The following IGSF21 variants were observed in gnomAD, a reference collection of about 807,000 sequenced individuals.
The protein encoded by IGSF21 is immunoglobin superfamily member 21, also known as immunoglobulin superfamily member 21.
A neutral mutation model predicts 46.8 loss-of-function variants in IGSF21; 28 were observed. The ratio of observed to expected loss-of-function variants is 0.60; its 90% confidence interval spans 0.44 to 0.82. The LOEUF (loss-of-function observed/expected upper bound fraction) is 0.82. Among genes scored for constraint, IGSF21 ranks in the 40% least tolerant of loss-of-function variants. The pLI is 0.00. For synonymous variants in IGSF21, 284 were observed against 273.6 expected, an observed-to-expected ratio of 1.04 and a Z score of -0.38; for missense variants, 624 against 665.5, an observed-to-expected ratio of 0.94 and a Z score of 0.69.
At chr1:18,302,178 C>G (rs1387904680) in intron 3 of IGSF21, among the ~76,000 whole-genome samples, 1 of 90 alleles carries the variant, frequency 0.011, no homozygotes, top group Non-Finnish European at 0.033. Flanking sequence ...GTGCTCCAGG[C>G]CCAAGCTCCA....
chr1:18,299,060 T>C (rs886713452), intron 3 of IGSF21, among the ~76,000 whole-genome samples: 15 of 152,256 alleles, frequency 9.9e-5, no homozygotes, highest in African/African-American at 3.6e-4. Flanking sequence ...GAATCAGAGA[T>C]GCAGAGACTG....
chr1:18,305,424 G>GATGGATGGATT (rs1265430506), intron 3 of IGSF21, among the ~76,000 whole-genome samples: 1 of 151,180 alleles, frequency 6.6e-6, no homozygotes, highest in Non-Finnish European at 1.5e-5. Context: ...TGGATGGATA[G>GATGGATGGATT]ATGGATGGAT....
At chr1:18,178,419 C>T (rs534936603) in intron 1 of IGSF21, among the ~76,000 whole-genome samples, 1 of 152,100 alleles carries the variant, frequency 6.6e-6, no homozygotes, top group African/African-American at 2.4e-5. Context: ...ACCATAATAA[C>T]CATGTGATAT....
At chr1:18,272,995 C>G (rs1480042106) in intron 2 of IGSF21, among the ~76,000 whole-genome samples, 2 of 150,644 alleles carry the variant, frequency 1.3e-5, no homozygotes, top group African/African-American at 4.9e-5. Context: ...CTCCTTGCCC[C>G]CACTGGGCCC....
At chr1:18,360,883 C>G (rs1328496363) in intron 4 of IGSF21, among the ~76,000 whole-genome samples, 1 of 152,186 alleles carries the variant, frequency 6.6e-6, no homozygotes, top group Non-Finnish European at 1.5e-5. Flanking sequence ...GTTTTGGTGA[C>G]TTGCCCAAGC....
chr1:18,297,553 G>A (rs988725053), intron 3 of IGSF21, among the ~76,000 whole-genome samples: 3 of 152,106 alleles, frequency 2.0e-5, no homozygotes, highest in Non-Finnish European at 4.4e-5. Flanking sequence ...TGTGTGATGA[G>A]TGTGGTGAAG....
At chr1:18,243,358 C>G (rs914061736) in intron 2 of IGSF21, among the ~76,000 whole-genome samples, 1 of 152,176 alleles carries the variant, frequency 6.6e-6, no homozygotes, top group African/African-American at 2.4e-5. Context: ...CCTATCACAT[C>G]TCATCCCTTG....
intron 1 of IGSF21, among the ~76,000 whole-genome samples, chr1:18,160,428 T>C (rs2086607865): frequency 6.6e-6 from 1 of 152,230 alleles, no homozygotes. Context: ...TTATTATAGT[T>C]AGATTTCCTA....
intron 1 of IGSF21, among the ~76,000 whole-genome samples, chr1:18,188,630 T>C (rs2086926616): frequency 6.6e-6 from 1 of 152,106 alleles, no homozygotes; most frequent in Non-Finnish European, 1.5e-5. Context: ...CTTCACTGGG[T>C]AACCTGGTGC....
intron 2 of IGSF21, among the ~76,000 whole-genome samples, chr1:18,273,446 CTTTCTTTCTTTCTCTCT>C: frequency 1.3e-5 from 1 of 79,994 alleles, no homozygotes; most frequent in Admixed American, 1.8e-4. Context: ...TTCTTTCTCA[CTTTCTTTCTTTCTCTCT>C]CTTTCTTTCT....
intron 4 of IGSF21, among the ~76,000 whole-genome samples, chr1:18,343,830 T>C (rs2085866515): frequency 6.6e-6 from 1 of 152,214 alleles, no homozygotes. Context: ...GTCTGGTGCT[T>C]TTCTAACCAT....
intron 6 of IGSF21, 31 bp from the exon 7 acceptor site, chr1:18,376,279 T>G (rs1288804180): frequency 6.8e-7 from 1 of 1,467,120 alleles, no homozygotes; most frequent in Admixed American, 1.7e-5. Context: ...CTTTCCTTAC[T>G]CTCTCTGACC....
rs138582453 is a variant in IGSF21, at chr1:18,334,421, C to T, written c.306-471C>T. Among the ~76,000 whole-genome samples the T allele has an allele frequency of 7.9e-5, 12 of 152,308 alleles. No homozygotes were observed. The highest frequency in any genetic ancestry group is 2.6e-4 in the African/African-American group (11 of 41,570). ...CTGGTTCTTATTAGCAATTGAGTTC[C>T]GTCCTGAGCCTCAGTTTCCTTGTTT... On this transcript the variant is annotated intron_variant, in intron 3 of 9. Coordinates refer to ENST00000251296, the MANE Select transcript of IGSF21 (RefSeq NM_032880.5). The surrounding 1 kb of genome is among the most constrained non-coding windows in gnomAD (Gnocchi z 4.3).
At chr1:18,274,484 C>T (rs1264126862) in intron 2 of IGSF21, among the ~76,000 whole-genome samples, 1 of 152,246 alleles carries the variant, frequency 6.6e-6, no homozygotes, top group African/African-American at 2.4e-5. Flanking sequence ...AACTCTGGCC[C>T]ATTGGCCAAA....
chr1:18,331,993 T>TG (rs953718761), intron 3 of IGSF21, among the ~76,000 whole-genome samples: 2 of 152,172 alleles, frequency 1.3e-5, no homozygotes, highest in Non-Finnish European at 2.9e-5. Flanking sequence ...AAGGAGCATC[T>TG]GGGGCTGTAC....
chr1:18,373,383 C>T (rs2086248339), intron 6 of IGSF21, among the ~76,000 whole-genome samples: 1 of 152,034 alleles, frequency 6.6e-6, no homozygotes, highest in Admixed American at 6.5e-5. Flanking sequence ...TTTTGATTGT[C>T]TGGAGCTGCT....
intron 2 of IGSF21, among the ~76,000 whole-genome samples, chr1:18,275,894 G>GC (rs1169210234): frequency 6.6e-6 from 1 of 152,072 alleles, no homozygotes; most frequent in Non-Finnish European, 1.5e-5. Context: ...CCACTCCTTT[G>GC]CCCCCTTCCC....
intron 1 of IGSF21, among the ~76,000 whole-genome samples, chr1:18,162,965 A>T (rs935799344): frequency 1.3e-5 from 2 of 152,136 alleles, no homozygotes; most frequent in African/African-American, 2.4e-5. Context: ...GTGAACAGTG[A>T]TGGTGTCACA....
chr1:18,301,588 G>A lies in IGSF21; in HGVS notation c.305+9601G>A, dbSNP rs546888385. Among the ~76,000 whole-genome samples, 4 of 152,208 alleles carry A rather than the reference G, an allele frequency of 2.6e-5. No individual in the cohort carries two copies. The South Asian group carries it at 8.3e-4, about 32-fold the overall frequency. On this transcript the variant is annotated intron_variant, in intron 3 of 9. Transcript: ENST00000251296. ...ACTCCTGACCTCAAGTGATGCACCC[G>A]CCTTGGCCTCCAAAGTGCTGGGATT...
Sources: allele counts gnomAD v4.1 joint callset (sites outside exome capture counted in the v4.1 genomes callset), GRCh38; gene constraint gnomAD v4.1.1; non-coding constraint Gnocchi (gnomAD v3.1); transcripts MANE v1.5; gene names NCBI Gene and HGNC (gene_info 2026-07-23, HGNC 2026-07-21).